The following DIS3L2 variants were observed in gnomAD, a reference collection of about 807,000 sequenced individuals.
The protein encoded by DIS3L2 is DIS3 like 3'-5' exoribonuclease 2.
In DIS3L2, 34 loss-of-function variants were observed where a neutral mutation model predicts 97.5. The observed-to-expected ratio is 0.35, with a 90% confidence interval of 0.27 to 0.46. The LOEUF is 0.46. DIS3L2 is among the 20% of genes least tolerant of loss of function. The pLI is 1.00. For synonymous variants in DIS3L2, 435 were observed against 445.2 expected (o/e 0.98, Z 0.29); for missense variants, 1,038 against 1,146.0 (o/e 0.91, Z 1.36).
chr2:232,271,245 T>C (rs1694000939), intron 13 of DIS3L2, among the ~76,000 whole-genome samples: 1 of 152,190 alleles, frequency 6.6e-6, no homozygotes, highest in African/African-American at 2.4e-5. Context: ...CCATTGTGTT[T>C]GAAGTGGGGC....
intron 10 of DIS3L2, among the ~76,000 whole-genome samples, chr2:232,235,640 T>C (rs976551966): frequency 2.0e-5 from 3 of 152,246 alleles, no homozygotes; most frequent in African/African-American, 7.2e-5. Flanking sequence ...ACACAGAGAC[T>C]GAATTTAAAA....
intron 14 of DIS3L2, 28 bp from the exon 15 acceptor site, chr2:232,329,785 T>TGCCGGGGGGGGCCCCC: frequency 2.6e-5 from 25 of 967,100 alleles, no homozygotes; most frequent in Admixed American, 6.8e-5. Context: ...ACCCCAGCGG[T>TGCCGGGGGGGGCCCCC]CCCTCCCATC....
intron 6 of DIS3L2, among the ~76,000 whole-genome samples, chr2:232,116,065 A>G (rs1190600947): frequency 6.6e-6 from 1 of 152,008 alleles, no homozygotes. Flanking sequence ...CCAGCTACTC[A>G]GGAGGCTGAG....
chr2:232,076,589 C>G (rs954473729), intron 5 of DIS3L2, among the ~76,000 whole-genome samples: 4 of 152,032 alleles, frequency 2.6e-5, no homozygotes, highest in African/African-American at 9.7e-5. Context: ...GTATTTTAAG[C>G]CTTTTCTTCC....
intron 4 of DIS3L2, among the ~76,000 whole-genome samples, chr2:232,029,287 T>G (rs1219837274): frequency 6.6e-5 from 10 of 152,220 alleles, no homozygotes; most frequent in Non-Finnish European, 1.2e-4. Context: ...TATTTCATTT[T>G]CTCAGGAACC....
At position 232,037,166 on chromosome 2, in the gene DIS3L2, A is replaced by G. The variant is rs1212517871; in HGVS notation, c.366+7086A>G. Among the ~76,000 whole-genome samples, 2 of 152,162 alleles carry G rather than the reference A, an allele frequency of 1.3e-5. No individual in the cohort carries two copies. Among genetic ancestry groups the G allele is most frequent in the Non-Finnish European group, 1.5e-5 (1 of 68,014 alleles). The stretch of plus-strand genomic sequence containing the variant: ...CCCCTTCCCCCAGGTGCTCTGTCCC[A>G]GGGAGATGGGAGTTTTACCTATAAG... On this transcript the variant is annotated intron_variant, in intron 5 of 20. Coordinates refer to ENST00000325385, the MANE Select transcript of DIS3L2 (RefSeq NM_152383.5). The surrounding 1 kb of genome is among the most constrained non-coding windows in gnomAD (Gnocchi z 4.6).
intron 10 of DIS3L2, among the ~76,000 whole-genome samples, chr2:232,232,564 T>C (rs1692824097): frequency 6.6e-6 from 1 of 152,106 alleles, no homozygotes; most frequent in Non-Finnish European, 1.5e-5. Flanking sequence ...AGGTTTCTTT[T>C]TGGTTTAGGC....
chr2:231,989,341 G>T (rs1441515535), intron 1 of DIS3L2, among the ~76,000 whole-genome samples: 1 of 36,812 alleles, frequency 2.7e-5, no homozygotes, highest in Non-Finnish European at 1.0e-4. Context: ...CAGTATAATT[G>T]TGTGTGTGTG....
chr2:232,238,426 C>T, intron 10 of DIS3L2, 107 bp from the exon 11 acceptor site: 1 of 837,832 alleles, frequency 1.2e-6, no homozygotes, highest in South Asian at 1.7e-5. Context: ...CACCTAACTG[C>T]AGGTCCTGTG....
chr2:232,286,390 G>T (rs913710208), intron 13 of DIS3L2, among the ~76,000 whole-genome samples: 1 of 150,106 alleles, frequency 6.7e-6, no homozygotes, highest in African/African-American at 2.5e-5. Flanking sequence ...TTCCTGCTGC[G>T]GCCCAAGGAG....
At chr2:232,329,785 T>TGCCGGGGGCG in intron 14 of DIS3L2, 28 bp from the exon 15 acceptor site, 6 of 967,136 alleles carry the variant, frequency 6.2e-6, no homozygotes, top group South Asian at 2.1e-5. Context: ...ACCCCAGCGG[T>TGCCGGGGGCG]CCCTCCCATC....
At chr2:231,985,692 A>T (rs1693391156) in intron 1 of DIS3L2, among the ~76,000 whole-genome samples, 2 of 152,124 alleles carry the variant, frequency 1.3e-5, no homozygotes, top group African/African-American at 4.8e-5. Flanking sequence ...ATAAACTAAA[A>T]TTTTTCCTTA....
At chr2:232,076,388 C>G (rs1696188301) in intron 5 of DIS3L2, among the ~76,000 whole-genome samples, 2 of 152,148 alleles carry the variant, frequency 1.3e-5, no homozygotes, top group Admixed American at 6.5e-5. Flanking sequence ...AGGGCTGGAC[C>G]AGTTCACATT....
At chr2:232,169,457 C>T (rs1342025452) in intron 9 of DIS3L2, among the ~76,000 whole-genome samples, 1 of 152,122 alleles carries the variant, frequency 6.6e-6, no homozygotes, top group Non-Finnish European at 1.5e-5. Flanking sequence ...AGATAAATTA[C>T]AGCAGACAAT....
chr2:232,158,273 G>A (rs895548489), intron 8 of DIS3L2, among the ~76,000 whole-genome samples: 37 of 151,696 alleles, frequency 2.4e-4, no homozygotes, highest in African/African-American at 8.2e-4. Flanking sequence ...AGGCATTCAA[G>A]GTACTCAAAC....
intron 13 of DIS3L2, chr2:232,343,194 G>A (rs373175659): frequency 1.4e-6 from 1 of 693,222 alleles, no homozygotes; most frequent in Non-Finnish European, 2.5e-6. Context: ...AATATGAAGA[G>A]GCTATTTCCT....
intron 9 of DIS3L2, among the ~76,000 whole-genome samples, chr2:232,183,410 G>A (rs1691346190): frequency 1.3e-5 from 2 of 152,326 alleles, no homozygotes; most frequent in South Asian, 4.1e-4. Flanking sequence ...TTTGTTAAGA[G>A]GCTCTGTGTC....
At chr2:232,091,523 T>C (rs1696836111) in intron 6 of DIS3L2, among the ~76,000 whole-genome samples, 1 of 152,206 alleles carries the variant, frequency 6.6e-6, no homozygotes, top group Admixed American at 6.5e-5. Context: ...CCATCGTGTA[T>C]ATCTGCCACA....
chr2:232,095,126 A>G (rs1184215544), intron 6 of DIS3L2, among the ~76,000 whole-genome samples: 2 of 152,100 alleles, frequency 1.3e-5, no homozygotes, highest in Non-Finnish European at 2.9e-5. Flanking sequence ...GTGTCTTTGT[A>G]TTGGAAAGTT....
Sources: allele counts gnomAD v4.1 joint callset (sites outside exome capture counted in the v4.1 genomes callset), GRCh38; gene constraint gnomAD v4.1.1; non-coding constraint Gnocchi (gnomAD v3.1); transcripts MANE v1.5; gene names NCBI Gene and HGNC (gene_info 2026-07-23, HGNC 2026-07-21).